Variants in ITGB8 observed in about 807,000 individuals in gnomAD.
ITGB8 encodes integrin beta-8.
ITGB8 carries 30 observed loss-of-function variants against 89.5 expected under a neutral mutation model. That is an observed-to-expected ratio of 0.34 (90% CI 0.25 to 0.45). ITGB8 has a LOEUF of 0.45. ITGB8 is among the 20% of genes least tolerant of loss of function. The pLI is 1.00. For synonymous variants in ITGB8, 335 were observed against 320.4 expected (o/e 1.05, Z -0.49); for missense variants, 836 against 933.3 (o/e 0.90, Z 1.36).
At chr7:20,342,995 T>G (rs1489647221) in intron 1 of ITGB8, among the ~76,000 whole-genome samples, 2 of 152,226 alleles carry the variant, frequency 1.3e-5, no homozygotes, top group African/African-American at 4.8e-5. Flanking sequence ...TTTTTCCCAT[T>G]CAAATATAAA....
At chr7:20,389,367 C>G (rs1786762745) in intron 6 of ITGB8, among the ~76,000 whole-genome samples, 1 of 152,188 alleles carries the variant, frequency 6.6e-6, no homozygotes, top group Admixed American at 6.5e-5. Context: ...TTGCATTTCT[C>G]TAATGACCAC....
Position 20,331,542 on chromosome 7 carries a change from C to T in ITGB8, c.-265C>T, listed in dbSNP as rs1227470271. 4.5e-6 allele frequency: 2 copies of T among 446,580 alleles called. No homozygotes were observed. Among genetic ancestry groups the T allele is most frequent in the Non-Finnish European group, 7.7e-6 (2 of 258,228 alleles). 27.7% of individuals were successfully genotyped at this position (446,580 alleles called of 1,614,324 possible). A position where few individuals can be genotyped will look rare whatever the true frequency, so the allele number is the denominator to read the frequency against. On this transcript the variant is annotated 5_prime_UTR_variant, in exon 1 of 14. Transcript: ENST00000222573. Reference sequence around the variant, plus strand: ...CCTCTCTCCAGTCGCCGCCGGGGCCCTTGGCCGTCGAAGGAGGTGCTTCTC... The same window carrying T: ...CCTCTCTCCAGTCGCCGCCGGGGCCTTTGGCCGTCGAAGGAGGTGCTTCTC...
chr7:20,372,683 T>C (rs1022936216), intron 3 of ITGB8, among the ~76,000 whole-genome samples: 1 of 152,070 alleles, frequency 6.6e-6, no homozygotes, highest in Non-Finnish European at 1.5e-5. Context: ...AGAGAAATAA[T>C]TTTATGTCAG....
rs575310881 is a variant in ITGB8, at chr7:20,334,449, C to T, written c.127+2516C>T. ...GATATCACAGTTTCTTTTAAAAAAG[C>T]GGTAACTATTATTGCAATCAAATTT... On this transcript the variant is annotated intron_variant, in intron 1 of 13. Coordinates refer to ENST00000222573, the MANE Select transcript of ITGB8 (RefSeq NM_002214.3). Among the ~76,000 whole-genome samples the T allele has an allele frequency of 7.9e-5, 12 of 152,062 alleles. No homozygotes were observed. In the South Asian group the frequency reaches 1.7e-3, roughly 21 times the overall value.
At chr7:20,344,508 T>C (rs554035505) in intron 1 of ITGB8, among the ~76,000 whole-genome samples, 2 of 152,336 alleles carry the variant, frequency 1.3e-5, no homozygotes, top group Admixed American at 6.5e-5. Flanking sequence ...AACTTTTAAA[T>C]GTGTGCGTAA....
At chr7:20,368,169 G>C (rs562188867) in intron 3 of ITGB8, among the ~76,000 whole-genome samples, 45 of 152,168 alleles carry the variant, frequency 3.0e-4, no homozygotes, top group African/African-American at 1.0e-3. Context: ...AATTAAAACT[G>C]TGCTCTTTCC....
intron 7 of ITGB8, among the ~76,000 whole-genome samples, chr7:20,393,186 T>C (rs62456084): frequency 0.015 from 2,341 of 152,368 alleles, 43 homozygotes; most frequent in Middle Eastern, 0.024. Flanking sequence ...TTTTGCTTCC[T>C]CTTTGCTGTT....
chr7:20,398,799 T>A, intron 8 of ITGB8, 61 bp from the exon 9 acceptor site: 1 of 1,227,600 alleles, frequency 8.1e-7, no homozygotes, highest in East Asian at 2.6e-5. Context: ...AGCTTGACTC[T>A]GCTTTGTTGC....
intron 1 of ITGB8, among the ~76,000 whole-genome samples, chr7:20,361,624 A>T (rs911931657): frequency 6.6e-6 from 1 of 152,218 alleles, no homozygotes. Context: ...CTAAGGTTCA[A>T]CATATGAATT....
intron 1 of ITGB8, among the ~76,000 whole-genome samples, chr7:20,341,889 TA>T (rs372857680): frequency 0.01 from 1,454 of 139,516 alleles, 3 homozygotes; most frequent in African/African-American, 0.016. Context: ...ATGTTTGAGT[TA>T]AAAAAAAAAA....
intron 3 of ITGB8, among the ~76,000 whole-genome samples, chr7:20,375,629 A>G (rs1050450136): frequency 1.3e-5 from 2 of 152,214 alleles, no homozygotes; most frequent in Non-Finnish European, 2.9e-5. Flanking sequence ...TAAAGTAATC[A>G]TTACCCTTTA....
intron 3 of ITGB8, chr7:20,377,455 A>G (rs1476479786): frequency 6.6e-6 from 1 of 152,246 alleles, no homozygotes; most frequent in East Asian, 1.9e-4. Context: ...GTCCCTGAAC[A>G]TGAACCGCTC....
chr7:20,398,770 A>T, intron 8 of ITGB8, 90 bp from the exon 9 acceptor site: 1 of 927,924 alleles, frequency 1.1e-6, no homozygotes, highest in Non-Finnish European at 1.5e-6. Flanking sequence ...GTTAAAATTA[A>T]ATCTATAATG....
At chr7:20,408,548 T>C (rs1029048224) in intron 12 of ITGB8, among the ~76,000 whole-genome samples, 4 of 152,156 alleles carry the variant, frequency 2.6e-5, no homozygotes, top group Non-Finnish European at 5.9e-5. Context: ...CCTTGGCAGG[T>C]CACCTCCGTA....
chr7:20,385,005 C>T (rs1055745355), intron 6 of ITGB8, among the ~76,000 whole-genome samples: 4 of 152,162 alleles, frequency 2.6e-5, no homozygotes, highest in Admixed American at 2.0e-4. Context: ...GACATTCTTT[C>T]TAAAATGGCA....
chr7:20,369,537 C>G (rs1562673775), intron 3 of ITGB8, among the ~76,000 whole-genome samples: 1 of 152,148 alleles, frequency 6.6e-6, no homozygotes, highest in Non-Finnish European at 1.5e-5. Flanking sequence ...TCCTCATGAC[C>G]TCATCTAAAC....
chr7:20,409,620 T>G lies in ITGB8; in HGVS notation c.2029T>G (p.Phe677Val). 6.3e-7 allele frequency: 1 copy of G among 1,599,274 alleles called. No individual in the cohort carries two copies. Among genetic ancestry groups the G allele is most frequent in the East Asian group, 2.2e-5 (1 of 44,710 alleles). The change falls in exon 13 of 14, where the codon TTC becomes GTC. Residue 677 changes from phenylalanine (F) to valine (V), a missense_variant. Around this residue, in one of 5 missense-constraint regions of ITGB8, gnomAD observed 422 missense variants for 416.9 expected, o/e 1.01. Coordinates refer to ENST00000222573, the MANE Select transcript of ITGB8 (RefSeq NM_002214.3). ...QHYVDQTSEC[F>V]SSPSYLRIFF... ...ATTTGTTTGCTTCATTACAGAATGT[T>G]TCTCCAGCCCAAGCTACTTGAGAAT...
At chr7:20,330,498 G>A (rs1220314377), upstream of ITGB8, among the ~76,000 whole-genome samples, 1 of 152,218 alleles carries the variant, frequency 6.6e-6, no homozygotes, top group Non-Finnish European at 1.5e-5. Flanking sequence ...ATTCGGGGGA[G>A]GAGGGAGAAG....
chr7:20,378,564 C>A (rs1294079981), intron 3 of ITGB8, among the ~76,000 whole-genome samples: 1 of 152,186 alleles, frequency 6.6e-6, no homozygotes, highest in Non-Finnish European at 1.5e-5. Context: ...ACACTTTAAC[C>A]CAAAGGAATA....
Sources: allele counts gnomAD v4.1 joint callset (sites outside exome capture counted in the v4.1 genomes callset), GRCh38; gene constraint gnomAD v4.1.1; regional missense constraint gnomAD v4.1.1; transcripts MANE v1.5; gene names NCBI Gene and HGNC (gene_info 2026-07-23, HGNC 2026-07-21).